Variants in TCF25 observed in about 807,000 individuals in gnomAD.
TCF25 encodes TCF25 ribosome quality control complex subunit, also known as ribosome quality control complex subunit TCF25.
In TCF25, 41 loss-of-function variants were observed where a neutral mutation model predicts 83.1. That is an observed-to-expected ratio of 0.49 (90% CI 0.38 to 0.64). The LOEUF (loss-of-function observed/expected upper bound fraction) is 0.64. TCF25 is among the 30% of genes least tolerant of loss of function. The pLI is 0.00. For missense variants in TCF25, 979 were observed against 914.5 expected (o/e 1.07, Z -0.91); for synonymous variants, 458 against 365.0 (o/e 1.25, Z -2.90).
intron 1 of TCF25, among the ~76,000 whole-genome samples, chr16:89,876,275 A>G (rs189013613): frequency 6.6e-6 from 1 of 152,198 alleles, no homozygotes; most frequent in Admixed American, 6.5e-5. Context: ...TGCTCTTAAA[A>G]CTCATATTTG....
At chr16:89,888,513 C>T (rs1030357032) in intron 5 of TCF25, among the ~76,000 whole-genome samples, 2 of 148,876 alleles carry the variant, frequency 1.3e-5, no homozygotes, top group African/African-American at 2.5e-5. Context: ...CGCTTGAAAC[C>T]GGAGGCAGAG....
chr16:89,873,844 C>G lies in TCF25; in HGVS notation c.177C>G (p.Asn59Lys). The G allele has an allele frequency of 6.4e-7, 1 of 1,561,036 alleles. No individual in the cohort carries two copies. Among genetic ancestry groups the G allele is most frequent in the East Asian group, 2.4e-5 (1 of 40,908 alleles). ...CAGGGAAGGAGGGCGTCCGAGTCAACAACCGCTTCGAGCTGGTGAGGAGCG... is the reference window on the plus strand; with the variant it reads ...CAGGGAAGGAGGGCGTCCGAGTCAAGAACCGCTTCGAGCTGGTGAGGAGCG... ...GGAGKEGVRVNNRFELINIDD... is the reference protein window; with the variant it reads ...GGAGKEGVRVKNRFELINIDD... The change falls in exon 1 of 18, where the codon AAC (asparagine) becomes AAG (lysine). Residue 59 changes from asparagine to lysine, a missense_variant. By Grantham distance (94) the Asn-to-Lys change is moderately conservative. Transcript: ENST00000263346.
chr16:89,900,711 C>G lies in TCF25; in HGVS notation c.1298C>G (p.Thr433Arg). ...PLAYFLLSQQ[T>R]DLPECEQSSA... The stretch of plus-strand genomic sequence containing the variant: ...GCGTATTTCCTGCTGAGCCAGCAGA[C>G]AGACCTCCCTGAGTGTGAGCAGAGC... The change falls in exon 12 of 18, where the codon ACA (threonine) becomes AGA (arginine). Residue 433 changes from threonine (T) to arginine (R), a missense_variant. Transcript: ENST00000263346. 1 of 1,607,044 alleles carries G rather than the reference C, an allele frequency of 6.2e-7. No homozygotes were observed. Among genetic ancestry groups the G allele is most frequent in the African/African-American group, 1.3e-5 (1 of 74,970 alleles).
At chr16:89,907,531 TCC>T in intron 16 of TCF25, among the ~76,000 whole-genome samples, 1 of 70,136 alleles carries the variant, frequency 1.4e-5, no homozygotes, top group Non-Finnish European at 3.0e-5. Flanking sequence ...TCCTCCCAGT[TCC>T]TACCTCCCAT....
chr16:89,885,886 G>T lies in TCF25; in HGVS notation c.468G>T (p.Arg156Ser), dbSNP rs751012269. Residue 156 changes from arginine (R) to serine (S), a missense_variant, in exon 4 of 18, where the codon AGG (arginine) becomes AGT (serine). By Grantham distance (110) the Arg-to-Ser change is moderately radical. Transcript: ENST00000263346. ...AAGATATCGATCGCATCCTAGAGAGGATTGAGGACAGCACTGGGTTGAACC... is the reference window on the plus strand; with the variant it reads ...AAGATATCGATCGCATCCTAGAGAGTATTGAGGACAGCACTGGGTTGAACC... ...GLEDIDRILE[R>S]IEDSTGLNRP... 6.6e-5 allele frequency: 106 copies of T among 1,614,020 alleles called. No homozygotes were observed. The highest frequency in any genetic ancestry group is 8.5e-5 in the Non-Finnish European group (100 of 1,180,030).
intron 5 of TCF25, among the ~76,000 whole-genome samples, chr16:89,891,235 C>T (rs1471255823): frequency 2.6e-5 from 4 of 152,176 alleles, no homozygotes; most frequent in Admixed American, 1.3e-4. Flanking sequence ...GATAGCTCAC[C>T]GCAGGTCAGG....
At chr16:89,910,184 G>T (rs1053639735) in intron 16 of TCF25, 4 of 203,050 alleles carry the variant, frequency 2.0e-5, no homozygotes, top group Non-Finnish European at 4.1e-5. Flanking sequence ...GTAGCCCTTC[G>T]CACCGTGAGG....
chr16:89,889,717 A>C (rs1157279769), intron 5 of TCF25: 1 of 152,178 alleles, frequency 6.6e-6, no homozygotes, highest in Admixed American at 6.6e-5. Context: ...TGTCCAGCTA[A>C]TTTTGTGTTT....
At chr16:89,874,010 G>C in intron 1 of TCF25, 151 bp downstream of exon 1, 1 of 1,018,214 alleles carries the variant, frequency 9.8e-7, no homozygotes, top group South Asian at 1.8e-5. Flanking sequence ...GCGGGGCCGT[G>C]CGTCGGGGCC....
chr16:89,875,597 A>G (rs2143885925), intron 1 of TCF25, among the ~76,000 whole-genome samples: 1 of 131,698 alleles, frequency 7.6e-6, no homozygotes, highest in East Asian at 2.2e-4. Context: ...ATCTCGGCTC[A>G]CTGCAAGCTC....
At chr16:89,883,572 A>T (rs1295039885) in intron 2 of TCF25, 60 bp downstream of exon 2, 1 of 1,513,850 alleles carries the variant, frequency 6.6e-7, no homozygotes, top group Admixed American at 2.1e-5. Flanking sequence ...GCACCCAGCC[A>T]CGTGTATCCT....
At chr16:89,893,225 C>T (rs896697411) in intron 6 of TCF25, among the ~76,000 whole-genome samples, 1 of 152,212 alleles carries the variant, frequency 6.6e-6, no homozygotes, top group African/African-American at 2.4e-5. Context: ...GGGTCCCATA[C>T]ACCCAGTCAG....
intron 16 of TCF25, among the ~76,000 whole-genome samples, chr16:89,907,540 C>A (rs867981509): frequency 8.9e-6 from 1 of 112,982 alleles, no homozygotes; most frequent in Non-Finnish European, 2.0e-5. Context: ...TTCCTACCTC[C>A]CATCTCCCAG....
chr16:89,874,282 TG>T (rs2041989898), intron 1 of TCF25, among the ~76,000 whole-genome samples: 1 of 108,794 alleles, frequency 9.2e-6, no homozygotes, highest in East Asian at 2.6e-4. Flanking sequence ...GTGGCTGTCG[TG>T]GGGCCGTGAC....
chr16:89,901,599 GC>G (rs2044340169), intron 12 of TCF25, among the ~76,000 whole-genome samples: 1 of 107,398 alleles, frequency 9.3e-6, no homozygotes, highest in South Asian at 3.3e-4. Flanking sequence ...CAAAAAATTA[GC>G]CGGGCGTGTT....
intron 1 of TCF25, among the ~76,000 whole-genome samples, chr16:89,878,278 TC>T (rs767611898): frequency 0.069 from 9,861 of 142,806 alleles, 500 homozygotes; most frequent in East Asian, 0.26. Context: ...AGACCCTGTC[TC>T]AAAAAAAAAA....
chr16:89,895,642 C>T lies in TCF25; in HGVS notation c.929-348C>T, dbSNP rs181493557. Among the ~76,000 whole-genome samples, 391 of 152,354 alleles carry T rather than the reference C, an allele frequency of 2.6e-3. 5 individuals are homozygous for T. Among genetic ancestry groups the T allele is most frequent in the Non-Finnish European group, 7.1e-4 (48 of 68,038 alleles). Reference sequence around the variant, plus strand: ...ATGTTGTGTATCCATCATTAGTTGACGGCCGTGTGGGCTGTTGTAAATAAT... The same window carrying T: ...ATGTTGTGTATCCATCATTAGTTGATGGCCGTGTGGGCTGTTGTAAATAAT... On this transcript the variant is annotated intron_variant, in intron 8 of 17. Coordinates refer to ENST00000263346, the MANE Select transcript of TCF25 (RefSeq NM_014972.3).
intron 7 of TCF25, among the ~76,000 whole-genome samples, chr16:89,894,298 G>A (rs112377560): frequency 0.042 from 6,169 of 147,626 alleles, 433 homozygotes; most frequent in African/African-American, 0.15. Flanking sequence ...GACAGTCCCC[G>A]TACAGCCCCG....
chr16:89,892,242 C>G lies in TCF25; in HGVS notation c.664C>G (p.Pro222Ala). The G allele has an allele frequency of 1.9e-6, 3 of 1,612,974 alleles. No individual in the cohort carries two copies. Among genetic ancestry groups the G allele is most frequent in the Non-Finnish European group, 2.5e-6 (3 of 1,179,684 alleles). ...VYPKCTWLTT[P>A]KSTWPRYSKP... ...CCCCAAGTGCACATGGCTGACCACCCCTAAAAGCACCTGGCCCCGCTACAG... is the reference window on the plus strand; with the variant it reads ...CCCCAAGTGCACATGGCTGACCACCGCTAAAAGCACCTGGCCCCGCTACAG... The change falls in exon 6 of 18, where the codon CCT (proline) becomes GCT (alanine). Residue 222 changes from proline to alanine, a missense_variant. Transcript: ENST00000263346.
Sources: allele counts gnomAD v4.1 joint callset (sites outside exome capture counted in the v4.1 genomes callset), GRCh38; gene constraint gnomAD v4.1.1; transcripts MANE v1.5; gene names NCBI Gene and HGNC (gene_info 2026-07-23, HGNC 2026-07-21).